PABPC4L: variants seen among roughly 807,000 people sequenced by gnomAD.
The protein encoded by PABPC4L is poly(A) binding protein cytoplasmic 4 like.
For missense variants in PABPC4L, 452 were observed against 451.4 expected, an observed-to-expected ratio of 1.00 and a Z score of -0.01; for synonymous variants, 169 against 164.1, an observed-to-expected ratio of 1.03 and a Z score of -0.23.
At chr4:133,984,626 TCA>T in the PABPC4L span, among the ~76,000 whole-genome samples, 5 of 151,882 alleles carry the variant, frequency 3.3e-5, no homozygotes, top group Non-Finnish European at 7.4e-5. Context: ...CAGGGCAGCT[TCA>T]CAGATTACTT....
the PABPC4L span, among the ~76,000 whole-genome samples, chr4:134,099,954 T>G: frequency 6.6e-6 from 1 of 151,836 alleles, no homozygotes; most frequent in East Asian, 1.9e-4. Context: ...CCCTGTCCAC[T>G]TATGCATTAC....
the PABPC4L span, among the ~76,000 whole-genome samples, chr4:134,015,599 G>C: frequency 6.6e-6 from 1 of 151,910 alleles, no homozygotes; most frequent in Non-Finnish European, 1.5e-5. Context: ...TACCTATCTC[G>C]GCATAATTCT....
At chr4:134,152,847 G>A in the PABPC4L span, among the ~76,000 whole-genome samples, 2 of 152,148 alleles carry the variant, frequency 1.3e-5, no homozygotes, top group African/African-American at 4.8e-5. Flanking sequence ...AATTGCTCCT[G>A]GTGAGGGTCT....
the PABPC4L span, among the ~76,000 whole-genome samples, chr4:134,056,327 G>T: frequency 6.6e-6 from 1 of 151,574 alleles, no homozygotes; most frequent in South Asian, 2.1e-4. Flanking sequence ...TAGATATTTT[G>T]CCTTTCTACA....
chr4:134,067,602 T>G, the PABPC4L span, among the ~76,000 whole-genome samples: 2 of 152,022 alleles, frequency 1.3e-5, no homozygotes, highest in Admixed American at 1.3e-4. Context: ...TTATCTAGTT[T>G]CTTCAGGTGT....
the PABPC4L span, among the ~76,000 whole-genome samples, chr4:133,956,352 G>A: frequency 6.6e-6 from 1 of 152,176 alleles, no homozygotes; most frequent in South Asian, 2.1e-4. Flanking sequence ...GAGATGCATT[G>A]AACACCATGA....
At chr4:134,025,305 CAAAA>C in the PABPC4L span, among the ~76,000 whole-genome samples, 1,401 of 45,566 alleles carry the variant, frequency 0.031, 14 homozygotes, top group African/African-American at 0.094. Flanking sequence ...GAATTCATCT[CAAAA>C]AAAAAAAAAA....
chr4:133,950,911 C>T, the PABPC4L span, among the ~76,000 whole-genome samples: 18 of 152,166 alleles, frequency 1.2e-4, no homozygotes, highest in African/African-American at 3.4e-4. Context: ...TTAGGCCCTA[C>T]TCTGTCCAGA....
At chr4:133,999,770 G>A in the PABPC4L span, among the ~76,000 whole-genome samples, 1 of 152,070 alleles carries the variant, frequency 6.6e-6, no homozygotes, top group Non-Finnish European at 1.5e-5. Flanking sequence ...GGTCGTTTGA[G>A]GAGAGAGAGT....
chr4:134,069,964 C>T, the PABPC4L span, among the ~76,000 whole-genome samples: 1 of 140,214 alleles, frequency 7.1e-6, no homozygotes, highest in East Asian at 2.1e-4. Flanking sequence ...TCCTTTGGTC[C>T]TTGAAGTTGC....
At chr4:133,969,884 G>A in the PABPC4L span, among the ~76,000 whole-genome samples, 6 of 151,898 alleles carry the variant, frequency 4.0e-5, no homozygotes, top group Non-Finnish European at 8.8e-5. Context: ...TTGAATGCAG[G>A]TTTCTGAATA....
the PABPC4L span, among the ~76,000 whole-genome samples, chr4:133,993,898 G>T: frequency 6.6e-6 from 1 of 151,970 alleles, no homozygotes; most frequent in Non-Finnish European, 1.5e-5. Context: ...ACACAGGGTG[G>T]GCTCAAGAGT....
the PABPC4L span, among the ~76,000 whole-genome samples, chr4:134,070,506 C>T: frequency 2.0e-5 from 3 of 152,142 alleles, no homozygotes; most frequent in East Asian, 1.9e-4. Context: ...AGTGCAACAG[C>T]AATGGTGGCA....
At chr4:134,004,189 A>G in the PABPC4L span, among the ~76,000 whole-genome samples, 2 of 151,874 alleles carry the variant, frequency 1.3e-5, no homozygotes, top group Admixed American at 6.6e-5. Flanking sequence ...GAGAAAATCA[A>G]CAGAGTAAAG....
chr4:134,157,041 CAT>C, the PABPC4L span, among the ~76,000 whole-genome samples: 1 of 151,636 alleles, frequency 6.6e-6, no homozygotes, highest in Non-Finnish European at 1.5e-5. Flanking sequence ...TTTATTGGTG[CAT>C]ATATTTAATG....
the PABPC4L span, among the ~76,000 whole-genome samples, chr4:134,139,279 T>A: frequency 6.6e-6 from 1 of 151,964 alleles, no homozygotes; most frequent in Non-Finnish European, 1.5e-5. Flanking sequence ...GATAATAGAA[T>A]TTCCAAGCAG....
chr4:133,963,310 G>A, the PABPC4L span, among the ~76,000 whole-genome samples: 1 of 152,072 alleles, frequency 6.6e-6, no homozygotes, highest in East Asian at 1.9e-4. Flanking sequence ...AAACATATAT[G>A]CACCTAACAC....
chr4:134,090,573 G>C, the PABPC4L span, among the ~76,000 whole-genome samples: 1 of 151,832 alleles, frequency 6.6e-6, no homozygotes, highest in Admixed American at 6.6e-5. Context: ...GAGACCAGCC[G>C]AGGCAACATA....
the PABPC4L span, among the ~76,000 whole-genome samples, chr4:134,013,922 T>C: frequency 6.6e-6 from 1 of 152,244 alleles, no homozygotes; most frequent in East Asian, 1.9e-4. Context: ...CAGTCAGGCT[T>C]ACAGTTTCAT....
Sources: gnomAD v4.1 joint callset for allele counts (sites outside exome capture counted in the v4.1 genomes callset) on GRCh38, gnomAD v4.1.1 for gene constraint, MANE v1.5 for transcripts, NCBI Gene and HGNC (gene_info 2026-07-23, HGNC 2026-07-21) for gene names.